Variants in SCML2 observed in about 807,000 individuals in gnomAD.
The protein encoded by SCML2 is Scm polycomb group protein like 2.
In SCML2, 6 loss-of-function variants were observed where a neutral mutation model predicts 48.4. The observed-to-expected ratio is 0.12, with a 90% CI of 0.07 to 0.24. The LOEUF (loss-of-function observed/expected upper bound fraction) is 0.24. Among genes scored for constraint, SCML2 ranks in the 10% least tolerant of loss-of-function variants. SCML2 has a pLI of 1.00. For missense variants in SCML2, 377 were observed against 528.2 expected, an observed-to-expected ratio of 0.71 and a Z score of 2.81; for synonymous variants, 181 against 189.5, an observed-to-expected ratio of 0.95 and a Z score of 0.37.
At chrX:18,287,924 T>C (rs1928111931) in intron 7 of SCML2, among the ~76,000 whole-genome samples, 1 of 111,733 alleles carries the variant, frequency 8.9e-6, no homozygotes, top group South Asian at 3.7e-4. Flanking sequence ...AAGACTATTT[T>C]ATTTCACAAT....
upstream of SCML2, chrX:18,354,864 C>T (rs1793342706): frequency 7.7e-6 from 1 of 130,319 alleles, no homozygotes; most frequent in Non-Finnish European, 1.5e-5. Flanking sequence ...ACACTGTGAG[C>T]CCGGGAAAGC....
At chrX:18,304,447 A>T (rs914932154) in intron 7 of SCML2, among the ~76,000 whole-genome samples, 3 of 112,055 alleles carry the variant, frequency 2.7e-5, no homozygotes, top group Admixed American at 1.9e-4. Context: ...CATGACTAAA[A>T]TAGCATACTA....
chrX:18,247,853 T>C lies in SCML2; in HGVS notation c.1486A>G (p.Thr496Ala), dbSNP rs1261771614. The C allele has an allele frequency of 5.0e-6, 6 of 1,208,286 alleles. No individual in the cohort carries two copies. Among genetic ancestry groups the C allele is most frequent in the Non-Finnish European group, 6.7e-6 (6 of 893,721 alleles). Reference protein sequence around the residue: ...AKEDVTERQSTKRSPQQTVPY... With the variant: ...AKEDVTERQSAKRSPQQTVPY... ...ACAGTTTGCTGAGGAGATCGTTTGGTGCTTTGCCTTTCTGTTACATCTTCT... is the reference window on the plus strand; with the variant it reads ...ACAGTTTGCTGAGGAGATCGTTTGGCGCTTTGCCTTTCTGTTACATCTTCT... Residue 496 changes from threonine to alanine, a missense_variant, in exon 12 of 15, where the codon ACC becomes GCC. Thr to Ala is a moderately conservative substitution (Grantham distance 58). Transcript: ENST00000251900.
intron 1 of SCML2, among the ~76,000 whole-genome samples, chrX:18,349,168 T>C: frequency 8.9e-6 from 1 of 112,250 alleles, no homozygotes; most frequent in Middle Eastern, 4.6e-3. Flanking sequence ...AATATATCTG[T>C]CCCTTCTGAA....
At chrX:18,288,732 G>A (rs1294895377) in intron 7 of SCML2, among the ~76,000 whole-genome samples, 1 of 112,090 alleles carries the variant, frequency 8.9e-6, no homozygotes, top group African/African-American at 3.2e-5. Context: ...ACAAGTTGTT[G>A]CTGTTTTTAC....
At chrX:18,284,950 G>A (rs1927993104) in intron 7 of SCML2, among the ~76,000 whole-genome samples, 1 of 108,965 alleles carries the variant, frequency 9.2e-6, no homozygotes, top group African/African-American at 3.4e-5. Flanking sequence ...TGAGGCAGGA[G>A]AATCGCTTGA....
chrX:18,331,468 T>C (rs940679757), intron 2 of SCML2, among the ~76,000 whole-genome samples: 1 of 110,257 alleles, frequency 9.1e-6, no homozygotes, highest in African/African-American at 3.3e-5. Context: ...CAAATAACAC[T>C]GGACCTGGTA....
intron 1 of SCML2, among the ~76,000 whole-genome samples, chrX:18,350,907 T>TC (rs1416349869): frequency 3.6e-5 from 4 of 111,351 alleles, no homozygotes; most frequent in African/African-American, 1.3e-4. Context: ...TTTATCTATT[T>TC]CCCCAAGACA....
At position 18,258,065 on chromosome X, in the gene SCML2, G is replaced by A; in HGVS notation, c.1252C>T (p.Arg418Cys). 2 of 1,208,592 alleles carry A rather than the reference G, an allele frequency of 1.7e-6. No homozygotes were observed. Among genetic ancestry groups the A allele is most frequent in the Non-Finnish European group, 2.2e-6 (2 of 893,226 alleles). ...TVFGYLKPDNRGGEVITASFD... is the reference protein window; with the variant it reads ...TVFGYLKPDNCGGEVITASFD... ...ATACCAGTTATCACTTCTCCTCCACGATTATCTGGCTTCAGGTATCCAAAA... is the reference window on the plus strand; with the variant it reads ...ATACCAGTTATCACTTCTCCTCCACAATTATCTGGCTTCAGGTATCCAAAA... Residue 418 changes from arginine to cysteine, a missense_variant, in exon 10 of 15, where the codon CGT becomes TGT. Arg to Cys is a radical substitution (Grantham distance 180, BLOSUM62 -3). Coordinates refer to ENST00000251900, the MANE Select transcript of SCML2 (RefSeq NM_006089.3).
chrX:18,242,409 G>A (rs1353645637), intron 14 of SCML2, 30 bp downstream of exon 14: 2 of 1,164,523 alleles, frequency 1.7e-6, no homozygotes, highest in Non-Finnish European at 2.3e-6. Flanking sequence ...AGGCATTACG[G>A]CAGGAAAACC....
intron 7 of SCML2, among the ~76,000 whole-genome samples, chrX:18,297,506 T>C (rs1928434622): frequency 8.9e-6 from 1 of 111,962 alleles, no homozygotes; most frequent in African/African-American, 3.2e-5. Context: ...TTGTCCCTCT[T>C]TGCAGGTGAC....
intron 3 of SCML2, among the ~76,000 whole-genome samples, chrX:18,328,499 C>T (rs1454674508): frequency 1.8e-5 from 2 of 110,768 alleles, no homozygotes; most frequent in Non-Finnish European, 3.8e-5. Flanking sequence ...AGAGAGACCC[C>T]GTCTCTACAA....
At chrX:18,276,285 C>T (rs1218590913) in intron 7 of SCML2, among the ~76,000 whole-genome samples, 1 of 100,922 alleles carries the variant, frequency 9.9e-6, no homozygotes, top group Non-Finnish European at 2.0e-5. Context: ...CAGAGCAAAA[C>T]TCAGTCTCAA....
chrX:18,295,144 G>A (rs1928353112), intron 7 of SCML2, among the ~76,000 whole-genome samples: 1 of 111,591 alleles, frequency 9.0e-6, no homozygotes, highest in Non-Finnish European at 1.9e-5. Flanking sequence ...GCAGCAGTAC[G>A]GAGGCACACT....
rs184300113 is a variant in SCML2, at chrX:18,242,376, G to A, written c.1974+63C>T. On this transcript the variant is annotated intron_variant, in intron 14 of 14. Coordinates refer to ENST00000251900, the MANE Select transcript of SCML2 (RefSeq NM_006089.3). ...ACCATCCACACAGCATCCAAATGAA[G>A]GGCCTGCACAGAGGTCATTCAAAGG... 1.2e-3 allele frequency: 1,322 copies of A among 1,062,522 alleles called. 1 individual carries two copies. Among genetic ancestry groups the A allele is most frequent in the Non-Finnish European group, 1.6e-3 (1,261 of 807,716 alleles). The allele number at this position is 1,062,522 out of a possible 1,213,427, so 87.6% of individuals were successfully genotyped here.
At chrX:18,284,094 A>C (rs991019268) in intron 7 of SCML2, among the ~76,000 whole-genome samples, 7 of 111,596 alleles carry the variant, frequency 6.3e-5, no homozygotes, top group East Asian at 2.8e-4. Flanking sequence ...AGAACAGAAA[A>C]CCCAGAAATA....
intron 10 of SCML2, 31 bp downstream of exon 10, chrX:18,258,001 AGGGGGAAGGGAC>A: frequency 1.5e-6 from 1 of 651,042 alleles, no homozygotes; most frequent in Non-Finnish European, 2.2e-6. Flanking sequence ...GGGGAAGGGA[AGGGGGAAGGGAC>A]TGAATTAGAC....
chrX:18,255,458 C>A (rs993548384), intron 11 of SCML2, among the ~76,000 whole-genome samples: 1 of 112,135 alleles, frequency 8.9e-6, no homozygotes, highest in Non-Finnish European at 1.9e-5. Context: ...GCTCTCCATG[C>A]CACTGCTTCT....
chrX:18,321,218 T>C (rs202029443), intron 5 of SCML2, among the ~76,000 whole-genome samples: 2 of 111,669 alleles, frequency 1.8e-5, no homozygotes, highest in East Asian at 5.6e-4. Context: ...CTAAAAATGA[T>C]CTTCTTTTAG....
Sources: gnomAD v4.1 joint callset for allele counts (sites outside exome capture counted in the v4.1 genomes callset) on GRCh38, gnomAD v4.1.1 for gene constraint, MANE v1.5 for transcripts, NCBI Gene and HGNC (gene_info 2026-07-23, HGNC 2026-07-21) for gene names.